Variants in LHPP observed in about 807,000 individuals in gnomAD.
LHPP encodes hLHPP.
Under a neutral mutation model 30.3 loss-of-function variants are expected in LHPP, and 24 were observed. The observed-to-expected ratio is 0.79, with a 90% CI of 0.57 to 1.11. The LOEUF is 1.11. Ranked by LOEUF, LHPP falls within the 50% of genes most tolerant of loss-of-function variation. The probability of loss-of-function intolerance (pLI) is 0.00; values close to 1 mark genes in which losing one functional copy is unlikely to be tolerated. For synonymous variants in LHPP, 150 were observed against 157.1 expected (o/e 0.95, Z 0.34); for missense variants, 356 against 367.2 (o/e 0.97, Z 0.25).
intron 6 of LHPP, among the ~76,000 whole-genome samples, chr10:124,569,823 G>A (rs960401968): frequency 4.6e-5 from 7 of 152,142 alleles, no homozygotes; most frequent in African/African-American, 1.7e-4. Flanking sequence ...CATGTTGATC[G>A]AGGTATAACA....
chr10:124,470,189 G>C (rs1398044553), intron 1 of LHPP, among the ~76,000 whole-genome samples: 1 of 152,212 alleles, frequency 6.6e-6, no homozygotes, highest in Non-Finnish European at 1.5e-5. Context: ...GCAGAGGCCG[G>C]CCTCGGGGCC....
chr10:124,462,493 G>A (rs1730594024), intron 1 of LHPP, among the ~76,000 whole-genome samples: 3 of 152,138 alleles, frequency 2.0e-5, no homozygotes, highest in African/African-American at 7.2e-5. Context: ...CACTTGGGAG[G>A]CTGAGGCAGG....
intron 5 of LHPP, among the ~76,000 whole-genome samples, chr10:124,509,107 A>G (rs1589813171): frequency 6.6e-6 from 1 of 152,208 alleles, no homozygotes; most frequent in South Asian, 2.1e-4. Flanking sequence ...CCCCACTTAT[A>G]AGTGCAAACA....
At chr10:124,536,613 G>A (rs931942556) in intron 6 of LHPP, among the ~76,000 whole-genome samples, 4 of 152,212 alleles carry the variant, frequency 2.6e-5, no homozygotes, top group Admixed American at 6.5e-5. Flanking sequence ...GGCTCTGTGA[G>A]CCAGAGGGCT....
At chr10:124,518,070 G>A (rs950126294) in intron 6 of LHPP, among the ~76,000 whole-genome samples, 5 of 152,230 alleles carry the variant, frequency 3.3e-5, no homozygotes, top group African/African-American at 1.2e-4. Context: ...GGCAGGACCA[G>A]AGAAGACAGA....
Position 124,503,594 on chromosome 10 carries a change from T to C in LHPP, c.624+5466T>C, listed in dbSNP as rs73365857. On this transcript the variant is annotated intron_variant, in intron 5 of 6. Transcript: ENST00000368842. Reference sequence around the variant, plus strand: ...TGGCTTAACATTTACATTTGTTTTGTAGTTATGTAAAACATTTATATGGTT... The same window carrying C: ...TGGCTTAACATTTACATTTGTTTTGCAGTTATGTAAAACATTTATATGGTT... Among the ~76,000 whole-genome samples, 517 of 152,142 alleles carry C rather than the reference T, an allele frequency of 3.4e-3. 14 individuals are homozygous for C. The highest frequency in any genetic ancestry group is 0.012 in the African/African-American group (503 of 41,388).
chr10:124,547,397 A>G (rs1046963532), intron 6 of LHPP, among the ~76,000 whole-genome samples: 4 of 152,216 alleles, frequency 2.6e-5, no homozygotes, highest in Non-Finnish European at 5.9e-5. Context: ...GAGTGAGTCT[A>G]TTAGTGTCAG....
At chr10:124,567,595 C>T (rs758798130) in intron 6 of LHPP, among the ~76,000 whole-genome samples, 3 of 152,242 alleles carry the variant, frequency 2.0e-5, no homozygotes, top group Admixed American at 6.5e-5. Context: ...CACAGGGCAA[C>T]GCTCTGGCTT....
At position 124,580,346 on chromosome 10, in the gene LHPP, C is replaced by T. The variant is rs186462808; in HGVS notation, c.717-32918C>T. ...GAAATTCATCCCTCTCCTTGTTATACTTAGAAAGAAGGATATTCTACATTC... is the reference window on the plus strand; with the variant it reads ...GAAATTCATCCCTCTCCTTGTTATATTTAGAAAGAAGGATATTCTACATTC... On this transcript the variant is annotated intron_variant, in intron 6 of 6. Transcript: ENST00000368842. Among the ~76,000 whole-genome samples, 28 of 152,298 alleles carry T rather than the reference C, an allele frequency of 1.8e-4. No individual in the cohort carries two copies. In the East Asian group the frequency reaches 3.1e-3, roughly 17 times the overall value.
intron 6 of LHPP, among the ~76,000 whole-genome samples, chr10:124,570,199 C>T (rs1948561457): frequency 6.6e-6 from 1 of 152,216 alleles, no homozygotes; most frequent in African/African-American, 2.4e-5. Context: ...CCTCTCTGTC[C>T]CCATGGCACC....
chr10:124,540,094 G>A (rs980046301), intron 6 of LHPP, among the ~76,000 whole-genome samples: 9 of 152,284 alleles, frequency 5.9e-5, no homozygotes, highest in Non-Finnish European at 8.8e-5. Flanking sequence ...CCAGATAACC[G>A]TGGGGAGGGG....
intron 6 of LHPP, chr10:124,553,958 G>A: frequency 1.0e-6 from 1 of 985,418 alleles, no homozygotes; most frequent in Non-Finnish European, 1.2e-6. Context: ...TGTTGTCCTT[G>A]CGGCACCATG....
rs1208783892 is a variant in LHPP, at chr10:124,576,266, A to G, written c.717-36998A>G. Among the ~76,000 whole-genome samples, 1 of 152,164 alleles carries G rather than the reference A, an allele frequency of 6.6e-6. No individual in the cohort carries two copies. Among genetic ancestry groups the G allele is most frequent in the Non-Finnish European group, 1.5e-5 (1 of 68,008 alleles). On this transcript the variant is annotated intron_variant, in intron 6 of 6. Coordinates refer to ENST00000368842, the MANE Select transcript of LHPP (RefSeq NM_022126.4). This position sits in a 1 kb window ranked among gnomAD's most constrained non-coding sequence, Gnocchi z 4.2. ...GCTTTCCCAGAAACGTGTTCAAAGA[A>G]AAACCCATTACCAACCCGGCAGAAC...
At chr10:124,572,545 C>T (rs1021044221) in intron 6 of LHPP, among the ~76,000 whole-genome samples, 5 of 151,738 alleles carry the variant, frequency 3.3e-5, no homozygotes, top group East Asian at 1.9e-4. Flanking sequence ...GCAGGAGAAT[C>T]GCTTGAACCC....
intron 1 of LHPP, among the ~76,000 whole-genome samples, chr10:124,479,696 T>C (rs1194668067): frequency 6.6e-6 from 1 of 152,208 alleles, no homozygotes; most frequent in Non-Finnish European, 1.5e-5. Flanking sequence ...AGGACACTGA[T>C]CCTGTCATGT....
At chr10:124,545,159 A>G (rs1376598587) in intron 6 of LHPP, among the ~76,000 whole-genome samples, 3 of 152,110 alleles carry the variant, frequency 2.0e-5, no homozygotes, top group Non-Finnish European at 4.4e-5. Flanking sequence ...CTTTGCAGTG[A>G]AGGGGGGCTC....
intron 6 of LHPP, among the ~76,000 whole-genome samples, chr10:124,533,890 T>C (rs10794148): frequency 0.66 from 100,546 of 152,226 alleles, 33,527 homozygotes; most frequent in South Asian, 0.78. Context: ...CAGTGGGATA[T>C]GGAATGCAGG....
intron 1 of LHPP, among the ~76,000 whole-genome samples, chr10:124,475,536 G>A (rs533197166): frequency 4.6e-5 from 7 of 151,854 alleles, no homozygotes; most frequent in East Asian, 2.0e-4. Context: ...GTGAGACTCC[G>A]TCTCAAAAAT....
intron 6 of LHPP, among the ~76,000 whole-genome samples, chr10:124,548,267 G>A (rs1239599963): frequency 2.6e-5 from 4 of 152,046 alleles, no homozygotes; most frequent in African/African-American, 9.7e-5. Flanking sequence ...TCCTGTGAAC[G>A]CCATCCTCTG....
Sources: allele counts gnomAD v4.1 joint callset (sites outside exome capture counted in the v4.1 genomes callset), GRCh38; gene constraint gnomAD v4.1.1; non-coding constraint Gnocchi (gnomAD v3.1); transcripts MANE v1.5; gene names NCBI Gene and HGNC (gene_info 2026-07-23, HGNC 2026-07-21).